The following FAM83D variants were observed in gnomAD, a reference collection of about 807,000 sequenced individuals.
FAM83D encodes scaffolding CK1 anchoring protein D.
In FAM83D, 26 loss-of-function variants were observed where a neutral mutation model predicts 25.4. The observed-to-expected ratio is 1.02, with a 90% CI of 0.75 to 1.42. The LOEUF is 1.42. Ranked by LOEUF, FAM83D falls within the 40% of genes most tolerant of loss-of-function variation. The probability of loss-of-function intolerance (pLI) is 0.00; values close to 1 mark genes in which losing one functional copy is unlikely to be tolerated. For synonymous variants in FAM83D, 310 were observed against 318.5 expected, an observed-to-expected ratio of 0.97 and a Z score of 0.28; for missense variants, 740 against 758.1, an observed-to-expected ratio of 0.98 and a Z score of 0.28.
chr20:38,935,137 G>C (rs984904252), intron 1 of FAM83D, among the ~76,000 whole-genome samples: 2 of 152,180 alleles, frequency 1.3e-5, no homozygotes, highest in Non-Finnish European at 2.9e-5. Flanking sequence ...GAGGGACAAG[G>C]ATGGAAACTA....
chr20:38,933,484 G>A (rs2085666290), intron 1 of FAM83D, among the ~76,000 whole-genome samples: 1 of 152,210 alleles, frequency 6.6e-6, no homozygotes, highest in African/African-American at 2.4e-5. Flanking sequence ...TCGCCCTCCA[G>A]TTGTGAACCA....
At chr20:38,929,337 C>G (rs565835368) in intron 1 of FAM83D, among the ~76,000 whole-genome samples, 1 of 152,242 alleles carries the variant, frequency 6.6e-6, no homozygotes, top group African/African-American at 2.4e-5. Flanking sequence ...GGACAGTGTG[C>G]TGATGGGAAA....
intron 2 of FAM83D, among the ~76,000 whole-genome samples, chr20:38,946,089 A>G (rs2145806905): frequency 6.7e-6 from 1 of 150,048 alleles, no homozygotes; most frequent in East Asian, 2.0e-4. Flanking sequence ...AGGTGCCTGT[A>G]GTCTTAGCTA....
rs76282572 is a variant in FAM83D, at chr20:38,933,425, C to A, written c.483+6500C>A. Among the ~76,000 whole-genome samples the A allele has an allele frequency of 3.9e-3, 598 of 152,268 alleles. 2 individuals carry two copies. The highest frequency in any genetic ancestry group is 0.014 in the African/African-American group (574 of 41,542). On this transcript the variant is annotated intron_variant, in intron 1 of 3. Transcript: ENST00000619850. ...GATGGCAAACTTATCTATTTTACCA[C>A]AATAAAAAAATGTCTCCAGACATTG...
chr20:38,942,749 G>T (rs1385516763), intron 2 of FAM83D, among the ~76,000 whole-genome samples: 1 of 152,200 alleles, frequency 6.6e-6, no homozygotes, highest in Non-Finnish European at 1.5e-5. Context: ...GCATATATCT[G>T]TGGATATACT....
rs779434532 is a variant in FAM83D, at chr20:38,942,138, A to C, written c.651+12A>C. The C allele has an allele frequency of 3.5e-5, 57 of 1,613,826 alleles. No individual in the cohort carries two copies. The highest frequency in any genetic ancestry group is 4.7e-5 in the Non-Finnish European group (56 of 1,179,786). ...CTGAACAGGAAAAGGTTTGTGGTAC[A>C]CTATATCCAGTTTCACCATAGTCAA... On this transcript the variant is annotated intron_variant, in intron 2 of 3. Coordinates refer to ENST00000619850, the MANE Select transcript of FAM83D (RefSeq NM_030919.3).
At position 38,927,659 on chromosome 20, in the gene FAM83D, C is replaced by T. The variant is rs1294192094; in HGVS notation, c.483+734C>T. The stretch of plus-strand genomic sequence containing the variant: ...GATTACCGGTGCCCGCCACCACGCC[C>T]GGCTAATTTTTGTATTTTTAGTAGA... On this transcript the variant is annotated intron_variant, in intron 1 of 3. Transcript: ENST00000619850. 1.4e-4 allele frequency among the ~76,000 whole-genome samples: 21 copies of T among 151,930 alleles called. 1 individual carries two copies.
chr20:38,938,808 A>G (rs1244930134), intron 1 of FAM83D, among the ~76,000 whole-genome samples: 1 of 152,086 alleles, frequency 6.6e-6, no homozygotes, highest in African/African-American at 2.4e-5. Context: ...TCTGGTCTCT[A>G]GTCCTCCTAA....
At chr20:38,935,964 G>A (rs1601332112) in intron 1 of FAM83D, among the ~76,000 whole-genome samples, 2 of 152,290 alleles carry the variant, frequency 1.3e-5, no homozygotes, top group East Asian at 3.9e-4. Flanking sequence ...TGCTTTTTTA[G>A]CAAGAGGGTC....
chr20:38,945,035 T>G lies in FAM83D; in HGVS notation c.652-2841T>G, dbSNP rs150354806. The stretch of plus-strand genomic sequence containing the variant: ...ACTGTCTTCCCTGGTTGCTTGTGTC[T>G]CCTGTTCCTCTCTGTGCTAGTGAAT... On this transcript the variant is annotated intron_variant, in intron 2 of 3. Transcript: ENST00000619850. Among the ~76,000 whole-genome samples, 743 of 152,242 alleles carry G rather than the reference T, an allele frequency of 4.9e-3. 8 individuals are homozygous for G. The highest frequency in any genetic ancestry group is 0.02 in the Middle Eastern group (6 of 294).
intron 1 of FAM83D, among the ~76,000 whole-genome samples, chr20:38,931,195 C>T (rs921076414): frequency 6.6e-6 from 1 of 152,200 alleles, no homozygotes; most frequent in Non-Finnish European, 1.5e-5. Flanking sequence ...TTTTAATTTC[C>T]ATGTTGCGTA....
At chr20:38,939,648 G>A (rs1219009029) in intron 1 of FAM83D, among the ~76,000 whole-genome samples, 1 of 152,130 alleles carries the variant, frequency 6.6e-6, no homozygotes, top group Non-Finnish European at 1.5e-5. Flanking sequence ...ATCATGCCCG[G>A]CCCCCTTAGT....
rs1204980280 is a variant in FAM83D, at chr20:38,926,698, G to GCGA, written c.257_258insGAC (p.Ala86_Glu87insThr). 14 of 1,520,552 alleles carry GCGA rather than the reference G, an allele frequency of 9.2e-6. No individual in the cohort carries two copies. The highest frequency in any genetic ancestry group is 1.1e-5 in the Non-Finnish European group (13 of 1,140,862). The allele number at this position is 1,520,552 out of a possible 1,614,324, so 94.2% of individuals were successfully genotyped here. On this transcript the variant is annotated inframe_insertion, in exon 1 of 4. Coordinates refer to ENST00000619850, the MANE Select transcript of FAM83D (RefSeq NM_030919.3). ...GGAGGGCGCGGCGGCGGCGGCGGCG[G>GCGA]CCGAGGACTCGTTCGGCTCCTCGCA... is the stretch of plus-strand genomic sequence containing the variant.
intron 1 of FAM83D, among the ~76,000 whole-genome samples, chr20:38,930,588 C>T (rs2085654854): frequency 6.6e-6 from 1 of 152,142 alleles, no homozygotes; most frequent in African/African-American, 2.4e-5. Flanking sequence ...TCAAGTGACT[C>T]TCCTGACTCA....
At position 38,926,739 on chromosome 20, in the gene FAM83D, C is replaced by T; in HGVS notation, c.297C>T (p.Gly99=). 2 of 1,532,176 alleles carry T rather than the reference C, an allele frequency of 1.3e-6. No individual in the cohort carries two copies. The highest frequency in any genetic ancestry group is 2.5e-5 in the East Asian group (1 of 40,294). The allele number at this position is 1,532,176 out of a possible 1,614,324, so 94.9% of individuals were successfully genotyped here. Residue 99 remains glycine, a synonymous_variant, in exon 1 of 4, where the codon GGC becomes GGT. Transcript: ENST00000619850. ...SFGSSHDCSS[G]TYFPEQSDLE... is the part of the protein sequence containing the mutation. ...GCTCCTCGCACGACTGCTCTTCGGG[C>T]ACCTACTTCCCCGAGCAGTCGGACC...
At chr20:38,935,408 G>A (rs997384758) in intron 1 of FAM83D, among the ~76,000 whole-genome samples, 2 of 152,148 alleles carry the variant, frequency 1.3e-5, no homozygotes, top group East Asian at 1.9e-4. Context: ...GGCCCTGCCA[G>A]CACTTTCATC....
Position 38,951,674 on chromosome 20 carries a change from C to T in FAM83D, c.912C>T (p.His304=), listed in dbSNP as rs750044937. 5 of 1,614,212 alleles carry T rather than the reference C, an allele frequency of 3.1e-6. No individual in the cohort carries two copies. In the South Asian group the frequency reaches 4.4e-5, roughly 14 times the overall value. Reference sequence around the variant, plus strand: ...CCATCAGCCCCAAACTCCTGTCTCACTTCCAGAGCAGCAACAAGTTTGATC... The same window carrying T: ...CCATCAGCCCCAAACTCCTGTCTCATTTCCAGAGCAGCAACAAGTTTGATC... ...SKPISPKLLS[H]FQSSNKFDHL... is the part of the protein sequence containing the mutation. The change falls in exon 4 of 4, where the codon CAC becomes CAT. Residue 304 remains histidine, a synonymous_variant. Coordinates refer to ENST00000619850, the MANE Select transcript of FAM83D (RefSeq NM_030919.3).
rs748972472 is a variant in FAM83D at position 38,952,381 on chromosome 20, C to A, written c.1619C>A (p.Ser540Tyr). ...ERQFHFAGIR[S>Y]RLNHMLAMLS... is the part of the protein sequence containing the mutation. ...CAATTCCACTTCGCTGGTATCAGGT[C>A]CCGGCTCAACCACATGCTGGCTATG... The change falls in exon 4 of 4, where the codon TCC (serine) becomes TAC (tyrosine). Residue 540 changes from serine (S) to tyrosine (Y), a missense_variant. This residue lies in a region of FAM83D where 375 missense variants were observed against 403.2 expected (regional missense o/e 0.93). Transcript: ENST00000619850. 6.2e-7 allele frequency: 1 copy of A among 1,614,220 alleles called. No individual in the cohort carries two copies. The highest frequency in any genetic ancestry group is 8.5e-7 in the Non-Finnish European group (1 of 1,180,048).
At chr20:38,939,638 A>C (rs2085693215) in intron 1 of FAM83D, among the ~76,000 whole-genome samples, 2 of 152,202 alleles carry the variant, frequency 1.3e-5, no homozygotes. Context: ...GGCATGAGCC[A>C]TCATGCCCGG....
Sources: allele counts gnomAD v4.1 joint callset (sites outside exome capture counted in the v4.1 genomes callset), GRCh38; gene constraint gnomAD v4.1.1; regional missense constraint gnomAD v4.1.1; transcripts MANE v1.5; gene names NCBI Gene and HGNC (gene_info 2026-07-23, HGNC 2026-07-21).